Variants in UNC80 observed in about 807,000 individuals in gnomAD.
UNC80 encodes the protein unc-80 subunit of NALCN channel complex, also known as protein unc-80 homolog.
Under a neutral mutation model 384.6 loss-of-function variants are expected in UNC80, and 164 were observed. The observed-to-expected ratio is 0.43, with a 90% CI of 0.38 to 0.49. The LOEUF is 0.49. Among genes scored for constraint, UNC80 ranks in the 20% least tolerant of loss-of-function variants. The probability of loss-of-function intolerance (pLI) is 0.00; values close to 1 mark genes in which losing one functional copy is unlikely to be tolerated. For missense variants in UNC80, 3,330 were observed against 4,143.0 expected, an observed-to-expected ratio of 0.80 and a Z score of 5.39; for synonymous variants, 1,486 against 1,527.8, an observed-to-expected ratio of 0.97 and a Z score of 0.64.
chr2:209,808,755 C>T (rs1012968223), intron 7 of UNC80: 3 of 243,226 alleles, frequency 1.2e-5, no homozygotes, highest in Non-Finnish European at 1.6e-5. Context: ...GTGAGTGGGT[C>T]GCCTGCGCTA....
At chr2:209,898,377 C>T (rs987224316) in intron 28 of UNC80, among the ~76,000 whole-genome samples, 3 of 151,994 alleles carry the variant, frequency 2.0e-5, no homozygotes, top group Non-Finnish European at 4.4e-5. Flanking sequence ...GCAGTTTTAG[C>T]TGCATCATGC....
At chr2:209,844,447 T>C (rs550015146) in intron 21 of UNC80, among the ~76,000 whole-genome samples, 1 of 102,514 alleles carries the variant, frequency 9.8e-6, no homozygotes, top group South Asian at 4.1e-4. Context: ...TTCTTGCTCT[T>C]TTCTTTTCTT....
In UNC80 at chr2:209,872,653, T is replaced by G; in HGVS notation, c.3628-105T>G. 1 of 1,081,388 alleles carries G rather than the reference T, an allele frequency of 9.2e-7. No individual in the cohort carries two copies. The allele number at this position is 1,081,388 out of a possible 1,614,324, so 67.0% of individuals were successfully genotyped here. A position where few individuals can be genotyped will look rare whatever the true frequency, so the allele number is the denominator to read the frequency against. ...AATATGGCCAATATAAATCAAAACATGAAGAGGAAAATAAACTAAAAATAC... is the reference window on the plus strand; with the variant it reads ...AATATGGCCAATATAAATCAAAACAGGAAGAGGAAAATAAACTAAAAATAC... On this transcript the variant is annotated intron_variant, in intron 22 of 64. Coordinates refer to ENST00000673920, the MANE Select transcript of UNC80 (RefSeq NM_001371986.1). This position sits in a 1 kb window ranked among gnomAD's most constrained non-coding sequence, Gnocchi z 4.1.
intron 22 of UNC80, among the ~76,000 whole-genome samples, chr2:209,862,594 T>C (rs2083418773): frequency 6.6e-6 from 1 of 152,036 alleles, no homozygotes; most frequent in Admixed American, 6.5e-5. Flanking sequence ...TTTGTCTTTT[T>C]TGATCTTTGT....
rs762814371 is a variant in UNC80 at position 209,888,111 on chromosome 2, G to A, written c.4127G>A (p.Arg1376Lys). 2 of 1,551,594 alleles carry A rather than the reference G, an allele frequency of 1.3e-6. No homozygotes were observed. The highest frequency in any genetic ancestry group is 2.7e-5 in the African/African-American group (2 of 73,048). The change falls in exon 26 of 65, where the codon AGA (arginine) becomes AAA (lysine). Residue 1376 changes from arginine (R) to lysine (K), a missense_variant. Arg to Lys is a conservative substitution (Grantham distance 26, BLOSUM62 2). Transcript: ENST00000673920. The part of the protein sequence containing the change: ...TEPLVDLESC[R>K]LRLDPELDRH... ...GCATTTTAGGACTTGGAGAGCTGCA[G>A]ACTTCGTTTGGATCCCGAGTTGGAC...
chr2:209,789,082 C>T (rs954732375), intron 5 of UNC80, among the ~76,000 whole-genome samples: 3 of 152,136 alleles, frequency 2.0e-5, no homozygotes, highest in African/African-American at 7.2e-5. Context: ...GTCATATAGC[C>T]TAGATGTGTA....
intron 56 of UNC80, among the ~76,000 whole-genome samples, chr2:209,974,006 C>T (rs923216961): frequency 6.6e-6 from 1 of 152,158 alleles, no homozygotes; most frequent in African/African-American, 2.4e-5. Flanking sequence ...CAATGGAAAG[C>T]CACTCTTTGG....
At chr2:209,784,712 C>A (rs938455720) in intron 4 of UNC80, among the ~76,000 whole-genome samples, 5 of 152,212 alleles carry the variant, frequency 3.3e-5, no homozygotes, top group Admixed American at 6.5e-5. Flanking sequence ...CTCTGCACTA[C>A]GAACAGAGAT....
chr2:209,936,648 ATG>A lies in UNC80; in HGVS notation c.6274-186_6274-185del, dbSNP rs1203098866. Among the ~76,000 whole-genome samples the A allele has an allele frequency of 1.3e-5, 2 of 151,872 alleles. 1 individual carries two copies. The highest frequency in any genetic ancestry group is 4.9e-5 in the African/African-American group (2 of 41,232). On this transcript the variant is annotated intron_variant, in intron 40 of 64. Coordinates refer to ENST00000673920, the MANE Select transcript of UNC80 (RefSeq NM_001371986.1). Reference sequence around the variant, plus strand: ...TGTGTATATATATGTGTATATATATATGTGTGTGTGTATGTGTATACACATAT... The same window carrying A: ...TGTGTATATATATGTGTATATATATATGTGTGTGTATGTGTATACACATAT...
intron 33 of UNC80, among the ~76,000 whole-genome samples, chr2:209,920,175 G>GA (rs915283751): frequency 6.7e-5 from 10 of 149,630 alleles, no homozygotes; most frequent in African/African-American, 1.2e-4. Flanking sequence ...ATCTCAAAAA[G>GA]AAAAAAAAAT....
At chr2:209,807,654 C>T (rs891381458) in intron 7 of UNC80, among the ~76,000 whole-genome samples, 1 of 151,840 alleles carries the variant, frequency 6.6e-6, no homozygotes, top group Admixed American at 6.6e-5. Flanking sequence ...TGAGCCACCA[C>T]ACCTGGCCTC....
At chr2:209,867,898 T>C (rs984780471) in intron 22 of UNC80, among the ~76,000 whole-genome samples, 5 of 152,224 alleles carry the variant, frequency 3.3e-5, no homozygotes, top group Non-Finnish European at 7.3e-5. Flanking sequence ...CTAAATCAAA[T>C]GAATTCTTCA....
intron 7 of UNC80, chr2:209,808,738 C>A: frequency 2.1e-5 from 1 of 47,018 alleles, no homozygotes. Flanking sequence ...CTCCAAGGCT[C>A]GGCCTAGTGA....
intron 61 of UNC80, among the ~76,000 whole-genome samples, chr2:209,986,698 A>G (rs1349920543): frequency 1.3e-5 from 2 of 152,160 alleles, no homozygotes; most frequent in Non-Finnish European, 2.9e-5. Flanking sequence ...TCATTAAGAA[A>G]TGGGAAGATG....
At chr2:209,775,816 G>A in intron 2 of UNC80, 73 bp from the exon 3 acceptor site, 1 of 1,498,390 alleles carries the variant, frequency 6.7e-7, no homozygotes, top group Middle Eastern at 2.4e-4. Context: ...TCACTAACCA[G>A]AATCTTCAAT....
Position 209,840,668 on chromosome 2 carries a change from T to TGTAA in UNC80, c.3357+23_3357+26dup. On this transcript the variant is annotated intron_variant, in intron 20 of 64. Transcript: ENST00000673920. ...TCCAAGGTAAACAGGACATAACTTG[T>TGTAA]GTAAGTGACTGTTGAAGTCGCTGAT... is the stretch of plus-strand genomic sequence containing the variant. The TGTAA allele has an allele frequency of 6.5e-7, 1 of 1,539,662 alleles. No individual in the cohort carries two copies. The highest frequency in any genetic ancestry group is 1.2e-5 in the South Asian group (1 of 83,640).
intron 13 of UNC80, 115 bp downstream of exon 13, chr2:209,820,794 A>G: frequency 8.9e-7 from 1 of 1,120,882 alleles, no homozygotes; most frequent in Non-Finnish European, 1.2e-6. Flanking sequence ...AGAGCAAAAA[A>G]GTGGAGAGTG....
intron 48 of UNC80, among the ~76,000 whole-genome samples, chr2:209,954,822 G>A (rs759791706): frequency 2.0e-5 from 3 of 152,052 alleles, no homozygotes; most frequent in East Asian, 1.9e-4. Context: ...TAAATAATGC[G>A]GAGAGAGGAT....
At chr2:209,809,327 C>A (rs1421997751) in intron 7 of UNC80, 12 of 785,108 alleles carry the variant, frequency 1.5e-5, no homozygotes, top group Non-Finnish European at 2.8e-5. Context: ...CTGCCCTTCG[C>A]CTGCGAAACC....
Sources: gnomAD v4.1 joint callset for allele counts (sites outside exome capture counted in the v4.1 genomes callset) on GRCh38, gnomAD v4.1.1 for gene constraint, Gnocchi (gnomAD v3.1) non-coding constraint, MANE v1.5 for transcripts, NCBI Gene and HGNC (gene_info 2026-07-23, HGNC 2026-07-21) for gene names.